Variants in PCDHA6 observed in about 807,000 individuals in gnomAD.
PCDHA6 encodes protocadherin alpha 6.
PCDHA6 carries 55 observed loss-of-function variants against 60.3 expected under a neutral mutation model. The ratio of observed to expected loss-of-function variants is 0.91; its 90% CI spans 0.73 to 1.14. The LOEUF is 1.14. Ranked by LOEUF, PCDHA6 falls within the 50% of genes most tolerant of loss-of-function variation. The pLI is 0.00. For missense variants in PCDHA6, 1,327 were observed against 1,256.5 expected (o/e 1.06, Z -0.85); for synonymous variants, 652 against 557.9 (o/e 1.17, Z -2.38).
rs371069140 is a variant in PCDHA6, at chr5:141,011,291, A to G, written c.*1354A>G. ...CTCTTTGGTTTAGTTTTCCTTTTCT[A>G]TAACACTCTGAATTGCTAATCTTAC... is the stretch of plus-strand genomic sequence containing the variant. On this transcript the variant is annotated 3_prime_UTR_variant, in exon 4 of 4. Coordinates refer to ENST00000529310, the MANE Select transcript of PCDHA6 (RefSeq NM_018909.4). 6 of 153,852 alleles carry G rather than the reference A, an allele frequency of 3.9e-5. No homozygotes were observed. The highest frequency in any genetic ancestry group is 8.8e-5 in the Non-Finnish European group (6 of 68,024). 9.5% of individuals were successfully genotyped at this position (153,852 alleles called of 1,614,324 possible).
chr5:140,952,608 C>T (rs2153696668), intron 1 of PCDHA6, among the ~76,000 whole-genome samples: 1 of 152,282 alleles, frequency 6.6e-6, no homozygotes, highest in Non-Finnish European at 1.5e-5. Flanking sequence ...TCTAAGCTCT[C>T]CCTCATCTTC....
At chr5:140,939,149 C>T (rs2092323339) in intron 1 of PCDHA6, among the ~76,000 whole-genome samples, 1 of 152,124 alleles carries the variant, frequency 6.6e-6, no homozygotes, top group South Asian at 2.1e-4. Flanking sequence ...GATCAAGGTC[C>T]TGGCAGATTT....
intron 3 of PCDHA6, among the ~76,000 whole-genome samples, chr5:140,999,091 T>A (rs1342614556): frequency 2.0e-5 from 3 of 152,208 alleles, no homozygotes; most frequent in African/African-American, 7.2e-5. Flanking sequence ...TTCAGAGGGC[T>A]ATGGAGAGTA....
rs1468060918 is a variant in PCDHA6, at chr5:140,848,352, T to G, written c.2394+17867T>G. Reference sequence around the variant, plus strand: ...TGAATCCAGACAAATACAGCCCTTTTCCCATGGGAAAGAGGCTCAATTCTT... The same window carrying G: ...TGAATCCAGACAAATACAGCCCTTTGCCCATGGGAAAGAGGCTCAATTCTT... On this transcript the variant is annotated intron_variant, in intron 1 of 3. Coordinates refer to ENST00000529310, the MANE Select transcript of PCDHA6 (RefSeq NM_018909.4). 8.0e-6 allele frequency: 8 copies of G among 1,002,918 alleles called. 1 individual carries two copies. The highest frequency in any genetic ancestry group is 1.2e-5 in the Non-Finnish European group (8 of 671,932). The allele number at this position is 1,002,918 out of a possible 1,614,324, so 62.1% of individuals were successfully genotyped here. A position where few individuals can be genotyped will look rare whatever the true frequency, so the allele number is the denominator to read the frequency against.
chr5:140,877,298 A>C, intron 1 of PCDHA6: 1 of 1,613,870 alleles, frequency 6.2e-7, no homozygotes. Flanking sequence ...TGGCTGTCCT[A>C]CGAGTTGCAA....
intron 1 of PCDHA6, among the ~76,000 whole-genome samples, chr5:140,938,727 GA>G (rs2092176789): frequency 6.6e-6 from 1 of 151,904 alleles, no homozygotes; most frequent in Admixed American, 6.6e-5. Flanking sequence ...CGTTTCTACA[GA>G]AAAAAATAAT....
chr5:140,829,848 G>T lies in PCDHA6; in HGVS notation c.1757G>T (p.Gly586Val). 1 of 1,613,962 alleles carries T rather than the reference G, an allele frequency of 6.2e-7. No homozygotes were observed. The highest frequency in any genetic ancestry group is 8.5e-7 in the Non-Finnish European group (1 of 1,179,898). The change falls in exon 1 of 4, where the codon GGT becomes GTT. Residue 586 changes from glycine to valine, a missense_variant. By Grantham distance (109) the Gly-to-Val change is moderately radical (BLOSUM62 -3). Coordinates refer to ENST00000529310, the MANE Select transcript of PCDHA6 (RefSeq NM_018909.4). Reference protein sequence around the residue: ...AVSELVPRSLGAGQVVAKVRA... With the variant: ...AVSELVPRSLVAGQVVAKVRA... Reference sequence around the variant, plus strand: ...AGCGAGCTGGTGCCGCGGTCACTGGGTGCAGGCCAAGTGGTGGCGAAGGTG... The same window carrying T: ...AGCGAGCTGGTGCCGCGGTCACTGGTTGCAGGCCAAGTGGTGGCGAAGGTG...
chr5:140,968,564 G>C (rs565573880), intron 1 of PCDHA6: 1 of 1,614,168 alleles, frequency 6.2e-7, no homozygotes, highest in South Asian at 1.1e-5. Context: ...AACTGCCCCT[G>C]CTGGCTACCT....
chr5:140,966,818 C>G (rs1376177382), intron 1 of PCDHA6: 1 of 1,554,298 alleles, frequency 6.4e-7, no homozygotes, highest in Admixed American at 1.9e-5. Context: ...ACGGCTCCGG[C>G]GGCCCATGCC....
chr5:140,856,991 T>A, intron 1 of PCDHA6: 1 of 1,595,770 alleles, frequency 6.3e-7, no homozygotes, highest in Non-Finnish European at 8.6e-7. Flanking sequence ...CAGTAACACT[T>A]ATGAAATTCA....
intron 1 of PCDHA6, chr5:140,836,571 G>T: frequency 6.2e-7 from 1 of 1,613,712 alleles, no homozygotes; most frequent in South Asian, 1.1e-5. Flanking sequence ...GTCCTCTGAG[G>T]GCGCATGTAG....
chr5:140,943,620 A>G (rs1285848217), intron 1 of PCDHA6, among the ~76,000 whole-genome samples: 1 of 152,200 alleles, frequency 6.6e-6, no homozygotes, highest in Non-Finnish European at 1.5e-5. Context: ...ATTCATCTGC[A>G]TAAGGAAGCT....
intron 1 of PCDHA6, chr5:140,876,833 C>T: frequency 3.1e-6 from 5 of 1,614,176 alleles, no homozygotes; most frequent in Non-Finnish European, 4.2e-6. Context: ...AATGCGCCTG[C>T]GTTCGCGCAG....
At chr5:141,003,053 C>T (rs1554258899) in intron 3 of PCDHA6, among the ~76,000 whole-genome samples, 3 of 152,206 alleles carry the variant, frequency 2.0e-5, no homozygotes, top group African/African-American at 7.2e-5. Flanking sequence ...CTTAACAGAA[C>T]AGTTCCAAAT....
chr5:140,985,202 G>A (rs1554246846), intron 3 of PCDHA6, among the ~76,000 whole-genome samples: 1 of 152,204 alleles, frequency 6.6e-6, no homozygotes, highest in Non-Finnish European at 1.5e-5. Flanking sequence ...CTCCCAAAGT[G>A]TTGGGATTAC....
intron 1 of PCDHA6, chr5:140,862,723 C>T: frequency 1.8e-6 from 1 of 568,234 alleles, no homozygotes; most frequent in East Asian, 4.8e-5. Flanking sequence ...CGAGTGCGCG[C>T]TGTCTAGCTA....
chr5:140,876,330 A>G, intron 1 of PCDHA6: 2 of 1,614,042 alleles, frequency 1.2e-6, no homozygotes, highest in Admixed American at 1.7e-5. Flanking sequence ...TGATTTTGCC[A>G]GTGAGTGAGA....
chr5:140,875,629 G>A, intron 1 of PCDHA6: 1 of 1,613,758 alleles, frequency 6.2e-7, no homozygotes, highest in Non-Finnish European at 8.5e-7. Flanking sequence ...TCAGGACCTG[G>A]GGCTGGAGCT....
At chr5:140,982,650 CTCTTTT>C (rs2096993978) in intron 3 of PCDHA6, 87 bp downstream of exon 3, 1 of 1,507,000 alleles carries the variant, frequency 6.6e-7, no homozygotes, top group South Asian at 1.3e-5. Context: ...ATGTTGATGG[CTCTTTT>C]TCTTTTATAT....
Sources: gnomAD v4.1 joint callset for allele counts (sites outside exome capture counted in the v4.1 genomes callset) on GRCh38, gnomAD v4.1.1 for gene constraint, MANE v1.5 for transcripts, NCBI Gene and HGNC (gene_info 2026-07-23, HGNC 2026-07-21) for gene names.